CA6: variants seen among roughly 807,000 people sequenced by gnomAD.
The protein encoded by CA6 is carbonate dehydratase VI.
CA6 carries 28 observed loss-of-function variants against 35.9 expected under a neutral mutation model. The ratio of observed to expected loss-of-function variants is 0.78; its 90% CI spans 0.58 to 1.07. CA6 has a LOEUF of 1.07. Among genes scored for constraint, CA6 ranks in the 50% least tolerant of loss-of-function variants. CA6 has a pLI of 0.00. For synonymous variants in CA6, 148 were observed against 152.6 expected, an observed-to-expected ratio of 0.97 and a Z score of 0.22; for missense variants, 377 against 382.0, an observed-to-expected ratio of 0.99 and a Z score of 0.11.
At position 8,967,747 on chromosome 1, in the gene CA6, C is replaced by T. The variant is rs200895576; in HGVS notation, c.660C>T (p.Thr220=). 1.9e-5 allele frequency: 30 copies of T among 1,613,974 alleles called. No homozygotes were observed. The African/African-American group carries it at 3.6e-4, about 19-fold the overall frequency. ...ACTACACCTACCATGGCTCACTCAC[C>T]ACGCCTCCCTGCACTGAGAACGTCC... ...QHYYTYHGSL[T]TPPCTENVHW... is the part of the protein sequence containing the mutation. Residue 220 remains threonine, a synonymous_variant, in exon 6 of 8, where the codon ACC becomes ACT. Coordinates refer to ENST00000377443, the MANE Select transcript of CA6 (RefSeq NM_001215.4).
chr1:8,967,964 T>C, intron 6 of CA6, 148 bp downstream of exon 6: 29 of 70,138 alleles, frequency 4.1e-4, no homozygotes, highest in South Asian at 1.7e-3. Flanking sequence ...CTAGCCAACC[T>C]TTTTTTTTTT....
In CA6 at chr1:8,963,068, GTTC is replaced by G. The variant is rs937044709; in HGVS notation, c.571+416_571+418del. 6.6e-6 allele frequency among the ~76,000 whole-genome samples: 1 copy of G among 152,156 alleles called. No individual in the cohort carries two copies. Among genetic ancestry groups the G allele is most frequent in the Non-Finnish European group, 1.5e-5 (1 of 68,028 alleles). On this transcript the variant is annotated intron_variant, in intron 5 of 7. Transcript: ENST00000377443. The surrounding 1 kb of genome is among the most constrained non-coding windows in gnomAD (Gnocchi z 4.1). ...ACTTGGACATCCAGACACTCGGGGTGTTCTTCCGTCCCCTCTCCTCCAGAGGGC... is the reference window on the plus strand; with the variant it reads ...ACTTGGACATCCAGACACTCGGGGTGTTCCGTCCCCTCTCCTCCAGAGGGC...
intron 6 of CA6, among the ~76,000 whole-genome samples, chr1:8,968,413 A>T (rs1640026695): frequency 6.6e-6 from 1 of 152,166 alleles, no homozygotes; most frequent in African/African-American, 2.4e-5. Context: ...CTCTGGGAAA[A>T]TGACCTTAAA....
chr1:8,973,784 C>CTTT (rs59270335), intron 7 of CA6, among the ~76,000 whole-genome samples: 3 of 52,054 alleles, frequency 5.8e-5, no homozygotes, highest in Non-Finnish European at 1.2e-4. Context: ...TTCTTTCTTT[C>CTTT]TTTTCCCTCC....
intron 7 of CA6, chr1:8,974,415 C>A (rs1371014406): frequency 1.3e-6 from 2 of 1,538,592 alleles, no homozygotes; most frequent in Admixed American, 2.0e-5. Flanking sequence ...AACACGCCAC[C>A]CCTTGGCTCT....
intron 2 of CA6, among the ~76,000 whole-genome samples, chr1:8,953,386 G>T (rs1639591452): frequency 6.6e-6 from 1 of 152,178 alleles, no homozygotes; most frequent in African/African-American, 2.4e-5. Context: ...CACTTTGGGA[G>T]GCCAAGGTGG....
At position 8,962,279 on chromosome 1, in the gene CA6, C is replaced by T. The variant is rs528619844; in HGVS notation, c.502-308C>T. Among the ~76,000 whole-genome samples the T allele has an allele frequency of 7.1e-4, 107 of 151,384 alleles. 1 individual carries two copies. The highest frequency in any genetic ancestry group is 2.5e-3 in the African/African-American group (105 of 41,334). On this transcript the variant is annotated intron_variant, in intron 4 of 7. Transcript: ENST00000377443. Reference sequence around the variant, plus strand: ...TCACAAACAAACAAACAAAAACAAGCGCACAGGGGACTTTTTTAGAGTAAG... The same window carrying T: ...TCACAAACAAACAAACAAAAACAAGTGCACAGGGGACTTTTTTAGAGTAAG...
intron 2 of CA6, among the ~76,000 whole-genome samples, chr1:8,956,024 A>G (rs1169956166): frequency 6.6e-6 from 1 of 152,116 alleles, no homozygotes. Flanking sequence ...GGAGTTCGAG[A>G]CCAGCCTGGC....
intron 6 of CA6, among the ~76,000 whole-genome samples, chr1:8,969,849 G>GA (rs1640061598): frequency 6.6e-6 from 1 of 151,582 alleles, no homozygotes; most frequent in Non-Finnish European, 1.5e-5. Flanking sequence ...AGTGCCGAGG[G>GA]AAAAAAAATA....
chr1:8,947,084 G>T lies in CA6; in HGVS notation c.79+1119G>T, dbSNP rs964750247. On this transcript the variant is annotated intron_variant, in intron 1 of 7. Coordinates refer to ENST00000377443, the MANE Select transcript of CA6 (RefSeq NM_001215.4). ...CTCCCAAAGTGCTGGGATTACAGGC[G>T]TGAGCCACCGCGCCAGGCCCCAAAC... Among the ~76,000 whole-genome samples the T allele has an allele frequency of 2.6e-5, 4 of 152,140 alleles. No homozygotes were observed. In the East Asian group the frequency reaches 5.8e-4, roughly 22 times the overall value.
intron 2 of CA6, 47 bp downstream of exon 2, chr1:8,949,489 AG>A: frequency 6.7e-7 from 1 of 1,503,242 alleles, no homozygotes; most frequent in South Asian, 1.1e-5. Flanking sequence ...GGCAGCCTGC[AG>A]GGGAAGGCAG....
At chr1:8,950,804 G>T (rs969974711) in intron 2 of CA6, among the ~76,000 whole-genome samples, 1 of 151,854 alleles carries the variant, frequency 6.6e-6, no homozygotes, top group Non-Finnish European at 1.5e-5. Flanking sequence ...GGAGGTCAAG[G>T]TTGTGGTGAG....
chr1:8,960,789 C>CACACACACACATATATATAT (rs59987426), intron 4 of CA6, among the ~76,000 whole-genome samples: 2,162 of 116,436 alleles, frequency 0.019, 34 homozygotes, highest in Non-Finnish European at 0.028. Context: ...CACACACACA[C>CACACACACACATATATATAT]ATATATATAA....
At chr1:8,956,704 C>T (rs1639692790) in intron 2 of CA6, among the ~76,000 whole-genome samples, 1 of 152,142 alleles carries the variant, frequency 6.6e-6, no homozygotes, top group South Asian at 2.1e-4. Context: ...CTAAGAGGCC[C>T]CACTTCCTAT....
In CA6 at chr1:8,962,653, C is replaced by T; in HGVS notation, c.568C>T (p.Pro190Ser). Reference protein sequence around the residue: ...FISHLANIKYPGQRTTLTGLD... With the variant: ...FISHLANIKYSGQRTTLTGLD... ...TTCTCATCTGGCCAACATCAAGTAC[C>T]CAGGTAAGGGAAGCCAACTGTGGCT... The change falls in exon 5 of 8, where the codon CCA becomes TCA. Residue 190 changes from proline to serine, a missense_variant. Coordinates refer to ENST00000377443, the MANE Select transcript of CA6 (RefSeq NM_001215.4). 1 of 1,613,378 alleles carries T rather than the reference C, an allele frequency of 6.2e-7. No homozygotes were observed. Among genetic ancestry groups the T allele is most frequent in the Non-Finnish European group, 8.5e-7 (1 of 1,179,384 alleles).
At position 8,949,347 on chromosome 1, in the gene CA6, C is replaced by T. The variant is rs2274327; in HGVS notation, c.164C>T (p.Thr55Met). ...CAGTCGCCTATCAACCTACAGAGGA[C>T]GAAGGTGCGGTACAACCCCTCCTTG... ...QRQSPINLQR[T>M]KVRYNPSLKG... The change falls in exon 2 of 8, where the codon ACG becomes ATG. Residue 55 changes from threonine to methionine, a missense_variant. Physicochemically the swap from Thr to Met is moderately conservative, Grantham distance 81. Transcript: ENST00000377443. 603,512 of 1,611,070 alleles carry T rather than the reference C, an allele frequency of 0.37. 117,752 individuals carry two copies. The highest frequency in any genetic ancestry group is 0.42 in the Middle Eastern group (2,526 of 6,058).
chr1:8,971,024 C>T, intron 7 of CA6, 43 bp downstream of exon 7: 1 of 1,283,156 alleles, frequency 7.8e-7, no homozygotes, highest in Non-Finnish European at 1.1e-6. Flanking sequence ...AGTTTAACTC[C>T]TGTTTTGCTC....
intron 2 of CA6, among the ~76,000 whole-genome samples, chr1:8,954,560 G>C (rs1639625528): frequency 6.6e-6 from 1 of 152,140 alleles, no homozygotes; most frequent in Non-Finnish European, 1.5e-5. Context: ...CTCTCTTGGG[G>C]TCTGGATTGG....
chr1:8,960,743 A>AACACACACACAC (rs113532929), intron 4 of CA6, among the ~76,000 whole-genome samples: 65 of 109,030 alleles, frequency 6.0e-4, no homozygotes, highest in African/African-American at 1.3e-3. Flanking sequence ...CAAGTATAGC[A>AACACACACACAC]ACACACACAC....
Sources: allele counts gnomAD v4.1 joint callset (sites outside exome capture counted in the v4.1 genomes callset), GRCh38; gene constraint gnomAD v4.1.1; non-coding constraint Gnocchi (gnomAD v3.1); transcripts MANE v1.5; gene names NCBI Gene and HGNC (gene_info 2026-07-23, HGNC 2026-07-21).